The following LRRIQ1 variants were observed in gnomAD, a reference collection of about 807,000 sequenced individuals.
LRRIQ1 encodes the protein leucine-rich repeat- and IQ domain-containing protein 1.
In LRRIQ1, 210 loss-of-function variants were observed where a neutral mutation model predicts 211.9. That is an observed-to-expected ratio of 0.99 (90% CI 0.89 to 1.11). The LOEUF (loss-of-function observed/expected upper bound fraction) is 1.11, where lower values mean the gene tolerates loss of function less well. Among genes scored for constraint, LRRIQ1 ranks in the 50% most tolerant of loss-of-function variants. The probability of loss-of-function intolerance (pLI) is 0.00; values close to 1 mark genes in which losing one functional copy is unlikely to be tolerated. For synonymous variants in LRRIQ1, 699 were observed against 650.1 expected, an observed-to-expected ratio of 1.08 and a Z score of -1.14; for missense variants, 2,136 against 1,939.5, an observed-to-expected ratio of 1.10 and a Z score of -1.90.
intron 15 of LRRIQ1, among the ~76,000 whole-genome samples, chr12:85,107,408 G>A (rs1886860097): frequency 1.3e-5 from 2 of 151,892 alleles, no homozygotes; most frequent in East Asian, 1.9e-4. Context: ...ATTGTTTCTG[G>A]TGAGAAATGT....
downstream of LRRIQ1, chr12:85,264,531 ATTCT>A (rs917907303): frequency 1.3e-5 from 2 of 152,190 alleles, no homozygotes; most frequent in African/African-American, 4.8e-5. Flanking sequence ...TCTTTAAAAA[ATTCT>A]TTCAATGCTC....
At chr12:85,202,002 T>C (rs922380390) in intron 24 of LRRIQ1, among the ~76,000 whole-genome samples, 2 of 152,194 alleles carry the variant, frequency 1.3e-5, no homozygotes, top group African/African-American at 4.8e-5. Flanking sequence ...TTTGTTCTTA[T>C]TCATTTCAAA....
At chr12:85,188,807 T>C (rs1892351449) in intron 24 of LRRIQ1, among the ~76,000 whole-genome samples, 2 of 152,142 alleles carry the variant, frequency 1.3e-5, no homozygotes, top group African/African-American at 4.8e-5. Context: ...TCCTTCCTGA[T>C]TGGTCAGTGC....
intron 24 of LRRIQ1, among the ~76,000 whole-genome samples, chr12:85,167,547 G>A (rs2136782450): frequency 6.6e-6 from 1 of 152,238 alleles, no homozygotes; most frequent in Non-Finnish European, 1.5e-5. Flanking sequence ...TTCAGCATGG[G>A]AGAAAGATGA....
intron 10 of LRRIQ1, among the ~76,000 whole-genome samples, chr12:85,068,628 T>C (rs904150266): frequency 2.0e-5 from 3 of 151,862 alleles, no homozygotes; most frequent in African/African-American, 4.8e-5. Flanking sequence ...TAACACCTAA[T>C]GGAATTAATA....
At chr12:85,188,896 G>A (rs934224658) in intron 24 of LRRIQ1, among the ~76,000 whole-genome samples, 1 of 152,018 alleles carries the variant, frequency 6.6e-6, no homozygotes, top group South Asian at 2.1e-4. Context: ...CTCTGAGAGC[G>A]AGTCATAGGA....
the LRRIQ1 span, among the ~76,000 whole-genome samples, chr12:85,271,902 A>G: frequency 6.6e-6 from 1 of 152,208 alleles, no homozygotes; most frequent in Non-Finnish European, 1.5e-5. Context: ...GGAATGCATA[A>G]TTTGTAAAAC....
rs75332993 is a variant in LRRIQ1, at chr12:85,092,801, C to T, written c.2888-5554C>T. Among the ~76,000 whole-genome samples the T allele has an allele frequency of 3.1e-4, 47 of 152,228 alleles. No homozygotes were observed. In the East Asian group the frequency reaches 5.6e-3, roughly 18 times the overall value. On this transcript the variant is annotated intron_variant, in intron 11 of 26. Coordinates refer to ENST00000393217, the MANE Select transcript of LRRIQ1 (RefSeq NM_001079910.2). ...ACCACTTTATCAAACGTGCCTGCGC[C>T]GACGGCATCATTCTTAGAGACTAAC...
chr12:85,239,363 A>ACC (rs897256271), intron 26 of LRRIQ1, among the ~76,000 whole-genome samples: 1 of 151,150 alleles, frequency 6.6e-6, no homozygotes, highest in Non-Finnish European at 1.5e-5. Flanking sequence ...TTATACACAC[A>ACC]CACACACACA....
At chr12:85,085,190 G>A (rs1407631107) in intron 11 of LRRIQ1, among the ~76,000 whole-genome samples, 2 of 152,090 alleles carry the variant, frequency 1.3e-5, no homozygotes, top group Non-Finnish European at 2.9e-5. Flanking sequence ...ACCCGAGACT[G>A]GGTAATTTAT....
chr12:85,248,094 T>G (rs1895784767), downstream of LRRIQ1, among the ~76,000 whole-genome samples: 1 of 151,638 alleles, frequency 6.6e-6, no homozygotes, highest in Non-Finnish European at 1.5e-5. Flanking sequence ...TGATTTTAGT[T>G]TACTCAATTT....
intron 1 of LRRIQ1, among the ~76,000 whole-genome samples, chr12:85,258,032 CA>C (rs1896172764): frequency 6.6e-6 from 1 of 151,650 alleles, no homozygotes; most frequent in Non-Finnish European, 1.5e-5. Flanking sequence ...GGTAAATAAA[CA>C]GGCAAAATAC....
chr12:85,254,608 C>T (rs564717288), intron 1 of LRRIQ1, among the ~76,000 whole-genome samples: 1 of 152,070 alleles, frequency 6.6e-6, no homozygotes, highest in Non-Finnish European at 1.5e-5. Context: ...TTTCATCTCT[C>T]CACTAATTAA....
chr12:85,260,083 T>C (rs1896239772), intron 1 of LRRIQ1, among the ~76,000 whole-genome samples: 1 of 146,658 alleles, frequency 6.8e-6, no homozygotes, highest in African/African-American at 2.5e-5. Context: ...TTCAATACTT[T>C]ATACAAAAAG....
chr12:85,056,688 A>G lies in LRRIQ1; in HGVS notation c.1895A>G (p.Glu632Gly). ...GTAAGAGAAAACGTAATATTACAAG[A>G]AAAAGAAATTTATTCAAAATCCAAA... Reference protein sequence around the residue: ...KDVRENVILQEKEIYSKSKEI... With the variant: ...KDVRENVILQGKEIYSKSKEI... Residue 632 changes from glutamate (E) to glycine (G), a missense_variant, in exon 8 of 27, where the codon GAA becomes GGA. Glu to Gly is a moderately conservative substitution (Grantham distance 98). Transcript: ENST00000393217. 8.1e-6 allele frequency: 13 copies of G among 1,606,580 alleles called. No individual in the cohort carries two copies. Among genetic ancestry groups the G allele is most frequent in the Non-Finnish European group, 1.1e-5 (13 of 1,177,244 alleles).
chr12:85,054,681 G>A (rs1880769037), intron 7 of LRRIQ1, among the ~76,000 whole-genome samples: 1 of 151,254 alleles, frequency 6.6e-6, no homozygotes, highest in Non-Finnish European at 1.5e-5. Context: ...CAGCTATCCA[G>A]CCATTCTATT....
intron 11 of LRRIQ1, among the ~76,000 whole-genome samples, chr12:85,093,234 C>G (rs1197180174): frequency 6.6e-6 from 1 of 152,086 alleles, no homozygotes; most frequent in Admixed American, 6.6e-5. Context: ...CATTTTGTGT[C>G]AGTATATGCA....
At chr12:85,187,646 A>T (rs750480774) in intron 24 of LRRIQ1, among the ~76,000 whole-genome samples, 1 of 150,600 alleles carries the variant, frequency 6.6e-6, no homozygotes, top group Non-Finnish European at 1.5e-5. Flanking sequence ...GTTTCTACTA[A>T]AAATACAAAA....
chr12:85,132,106 G>T (rs753705263), intron 18 of LRRIQ1, among the ~76,000 whole-genome samples: 4 of 152,006 alleles, frequency 2.6e-5, no homozygotes, highest in African/African-American at 9.7e-5. Flanking sequence ...CTGATGATTT[G>T]AGCAGGATCC....
Sources: gnomAD v4.1 joint callset for allele counts (sites outside exome capture counted in the v4.1 genomes callset) on GRCh38, gnomAD v4.1.1 for gene constraint, MANE v1.5 for transcripts, NCBI Gene and HGNC (gene_info 2026-07-23, HGNC 2026-07-21) for gene names.